The following MGAT4C variants were observed in gnomAD, a reference collection of about 807,000 sequenced individuals.
The protein encoded by MGAT4C is MGAT4 family member C.
In MGAT4C, 19 loss-of-function variants were observed where a neutral mutation model predicts 40.1. That is an observed-to-expected ratio of 0.47 (90% CI 0.33 to 0.70). The LOEUF (loss-of-function observed/expected upper bound fraction) is 0.70. Ranked by LOEUF, MGAT4C falls within the 30% of genes least tolerant of loss-of-function variation. MGAT4C has a pLI of 0.02. For missense variants in MGAT4C, 491 were observed against 563.2 expected (o/e 0.87, Z 1.30); for synonymous variants, 181 against 187.1 (o/e 0.97, Z 0.27).
intron 2 of MGAT4C, among the ~76,000 whole-genome samples, chr12:86,481,847 C>T (rs1957943096): frequency 6.6e-6 from 1 of 151,472 alleles, no homozygotes; most frequent in Admixed American, 6.6e-5. Context: ...GAATTTCTGG[C>T]CTCAAGCAAT....
chr12:86,123,865 T>C lies in MGAT4C; in HGVS notation c.-56-74142A>G, dbSNP rs145256438. 5.3e-3 allele frequency among the ~76,000 whole-genome samples: 808 copies of C among 152,210 alleles called. 7 individuals are homozygous for C. Among genetic ancestry groups the C allele is most frequent in the African/African-American group, 0.019 (770 of 41,560 alleles). On this transcript the variant is annotated intron_variant, in intron 1 of 4. Coordinates refer to ENST00000611864, the MANE Select transcript of MGAT4C (RefSeq NM_001351288.2). ...GACGAAGGATAGGCTTTAGTTTCTA[T>C]TATGAAATTACTAGAAAGTCCCTTG...
chr12:86,306,017 C>T (rs894860594), intron 4 of MGAT4C, among the ~76,000 whole-genome samples: 6 of 150,428 alleles, frequency 4.0e-5, no homozygotes, highest in South Asian at 2.1e-4. Flanking sequence ...TCTCCTCTAT[C>T]GAGGAAGATG....
intron 3 of MGAT4C, among the ~76,000 whole-genome samples, chr12:86,355,488 A>G (rs971821291): frequency 2.0e-5 from 3 of 152,240 alleles, no homozygotes; most frequent in African/African-American, 7.2e-5. Flanking sequence ...AAACTCAAAT[A>G]AAACCATGTT....
intron 3 of MGAT4C, among the ~76,000 whole-genome samples, chr12:86,384,546 C>A (rs1956016835): frequency 6.6e-6 from 1 of 152,116 alleles, no homozygotes; most frequent in Admixed American, 6.5e-5. Context: ...AAATATCTTG[C>A]CCAAACGCAT....
chr12:86,108,739 T>C (rs980612089), intron 1 of MGAT4C, among the ~76,000 whole-genome samples: 1 of 152,158 alleles, frequency 6.6e-6, no homozygotes, highest in Non-Finnish European at 1.5e-5. Context: ...GAGGCATGGA[T>C]GTTTCATTCA....
At chr12:86,793,505 T>C (rs552624392) in intron 1 of MGAT4C, among the ~76,000 whole-genome samples, 10 of 152,194 alleles carry the variant, frequency 6.6e-5, no homozygotes, top group African/African-American at 1.9e-4. Context: ...GAATGAACAT[T>C]TTTACTAAAA....
rs113724630 is a variant in MGAT4C, at chr12:86,521,557, C to G, written c.-228-86292G>C. On this transcript the variant is annotated intron_variant, in intron 2 of 7. Transcript: ENST00000548651. The stretch of plus-strand genomic sequence containing the variant: ...AGGATTGCCTTGGCTATTCAGGCTT[C>G]GTATTTGTTTGTTTGTTTGTCTTTT... Among the ~76,000 whole-genome samples, 508 of 151,312 alleles carry G rather than the reference C, an allele frequency of 3.4e-3. 1 individual carries two copies. Among genetic ancestry groups the G allele is most frequent in the African/African-American group, 0.012 (491 of 41,358 alleles).
intron 2 of MGAT4C, among the ~76,000 whole-genome samples, chr12:85,993,883 G>A (rs1886283169): frequency 6.6e-6 from 1 of 152,328 alleles, no homozygotes; most frequent in East Asian, 1.9e-4. Context: ...GCAGGAGGAG[G>A]CCAGGTAGTG....
chr12:86,605,571 A>C (rs1228028987), intron 2 of MGAT4C, among the ~76,000 whole-genome samples: 2 of 152,150 alleles, frequency 1.3e-5, no homozygotes, highest in East Asian at 1.9e-4. Flanking sequence ...GAACAACCTC[A>C]TTATCTAAGT....
chr12:86,692,790 A>G (rs912602773), intron 2 of MGAT4C, among the ~76,000 whole-genome samples: 5 of 152,176 alleles, frequency 3.3e-5, no homozygotes, highest in Non-Finnish European at 7.4e-5. Flanking sequence ...GACCCTGAGA[A>G]GAGGATAGTC....
At chr12:86,696,711 T>C (rs1415938236) in intron 2 of MGAT4C, among the ~76,000 whole-genome samples, 4 of 152,206 alleles carry the variant, frequency 2.6e-5, no homozygotes, top group Non-Finnish European at 5.9e-5. Flanking sequence ...CAGATTTTGA[T>C]TTAGCTTCCC....
chr12:86,385,706 C>T (rs1482145350), intron 3 of MGAT4C, among the ~76,000 whole-genome samples: 1 of 152,124 alleles, frequency 6.6e-6, no homozygotes, highest in Non-Finnish European at 1.5e-5. Context: ...TCAACTGTTG[C>T]TCTTCCTGCC....
At position 86,476,243 on chromosome 12, in the gene MGAT4C, G is replaced by A. The variant is rs376978641; in HGVS notation, c.-228-40978C>T. On this transcript the variant is annotated intron_variant, in intron 2 of 7. Transcript: ENST00000548651. ...ATAAGGAGCTTAAACAATTGAACAA[G>A]CAAAATACAAATAACCCCATTAAAA... 1.8e-4 allele frequency among the ~76,000 whole-genome samples: 28 copies of A among 152,078 alleles called. No individual in the cohort carries two copies. In the East Asian group the frequency reaches 4.4e-3, roughly 24 times the overall value.
At chr12:86,010,024 T>A (rs1476947216) in intron 2 of MGAT4C, among the ~76,000 whole-genome samples, 1 of 152,202 alleles carries the variant, frequency 6.6e-6, no homozygotes, top group Non-Finnish European at 1.5e-5. Flanking sequence ...GATCACTTGA[T>A]ATTTCATTGC....
chr12:86,409,452 C>T (rs538546163), intron 3 of MGAT4C, among the ~76,000 whole-genome samples: 2 of 152,142 alleles, frequency 1.3e-5, no homozygotes, highest in East Asian at 3.9e-4. Flanking sequence ...CACAGAAGGC[C>T]ATGAAGTGTG....
At chr12:86,259,194 T>G (rs1952604434), upstream of MGAT4C, among the ~76,000 whole-genome samples, 1 of 152,010 alleles carries the variant, frequency 6.6e-6, no homozygotes, top group Admixed American at 6.5e-5. Flanking sequence ...TTGTGATTTT[T>G]TAGTGGTGTT....
At chr12:86,317,320 CA>C (rs138258237) in intron 4 of MGAT4C, among the ~76,000 whole-genome samples, 7,237 of 151,562 alleles carry the variant, frequency 0.048, 573 homozygotes, top group African/African-American at 0.17. Context: ...AGAGGAAAGT[CA>C]AAAAATAATA....
chr12:86,330,053 T>C (rs957487444), intron 4 of MGAT4C, among the ~76,000 whole-genome samples: 4 of 152,170 alleles, frequency 2.6e-5, no homozygotes, highest in African/African-American at 7.2e-5. Flanking sequence ...CCTACAAATA[T>C]AGACTTATTG....
intron 1 of MGAT4C, among the ~76,000 whole-genome samples, chr12:86,072,267 A>T (rs907771955): frequency 3.3e-5 from 5 of 152,128 alleles, no homozygotes; most frequent in Admixed American, 6.6e-5. Context: ...CTAATTATAC[A>T]GAAAAGTCTT....
Sources: allele counts gnomAD v4.1 joint callset (sites outside exome capture counted in the v4.1 genomes callset), GRCh38; gene constraint gnomAD v4.1.1; transcripts MANE v1.5; gene names NCBI Gene and HGNC (gene_info 2026-07-23, HGNC 2026-07-21).